The following SLC38A8 variants were observed in gnomAD, a reference collection of about 807,000 sequenced individuals.
SLC38A8 encodes amino acid transporter SLC38A8.
In SLC38A8, 65 loss-of-function variants were observed where a neutral mutation model predicts 46.0. That is an observed-to-expected ratio of 1.41 (90% confidence interval 1.16 to 1.74). The LOEUF (loss-of-function observed/expected upper bound fraction) is 1.74. Among genes scored for constraint, SLC38A8 ranks in the 40% most tolerant of loss-of-function variants. The pLI, the probability that SLC38A8 is intolerant of heterozygous loss-of-function variation, is 0.00. For synonymous variants in SLC38A8, 447 were observed against 243.7 expected (o/e 1.83, Z -7.77); for missense variants, 998 against 567.9 (o/e 1.76, Z -7.70).
At chr16:84,019,612 C>A (rs1285769570) in intron 7 of SLC38A8, among the ~76,000 whole-genome samples, 1 of 152,174 alleles carries the variant, frequency 6.6e-6, no homozygotes, top group Non-Finnish European at 1.5e-5. Context: ...AAACTCATAT[C>A]CTCCTCGCAG....
At chr16:84,010,324 G>T (rs2084939113) in intron 10 of SLC38A8, among the ~76,000 whole-genome samples, 1 of 151,986 alleles carries the variant, frequency 6.6e-6, no homozygotes, top group Non-Finnish European at 1.5e-5. Context: ...GCCCTCCTCA[G>T]CTTCCTAAAG....
intron 6 of SLC38A8, among the ~76,000 whole-genome samples, chr16:84,026,168 T>C (rs973054470): frequency 1.3e-5 from 2 of 152,250 alleles, no homozygotes; most frequent in African/African-American, 4.8e-5. Flanking sequence ...CCAGACAGGT[T>C]GGTGGGCAGG....
At chr16:84,009,909 T>C (rs759322359) in intron 10 of SLC38A8, 32 bp from the exon 11 acceptor site, 3 of 1,598,442 alleles carry the variant, frequency 1.9e-6, no homozygotes, top group South Asian at 1.1e-5. Flanking sequence ...GTCAGAGCTT[T>C]TCTGGATTTT....
chr16:84,040,050 T>C (rs1358965465), intron 2 of SLC38A8: 1 of 152,246 alleles, frequency 6.6e-6, no homozygotes, highest in Non-Finnish European at 1.5e-5. Flanking sequence ...TTTCATCAAA[T>C]GGCACTAAAC....
At chr16:84,009,976 T>C in intron 10 of SLC38A8, 99 bp from the exon 11 acceptor site, 1 of 916,324 alleles carries the variant, frequency 1.1e-6, no homozygotes, top group Non-Finnish European at 1.6e-6. Context: ...CAGTATGGAG[T>C]CATCAATTTG....
At chr16:84,025,767 G>A (rs1242459911) in intron 6 of SLC38A8, among the ~76,000 whole-genome samples, 1 of 152,212 alleles carries the variant, frequency 6.6e-6, no homozygotes. Flanking sequence ...GGAAATATAG[G>A]AGGGCACAGT....
intron 6 of SLC38A8, among the ~76,000 whole-genome samples, chr16:84,024,537 T>C (rs993700295): frequency 4.6e-5 from 7 of 151,738 alleles, no homozygotes; most frequent in Admixed American, 6.6e-5. Flanking sequence ...TCCCAGCACT[T>C]TGGGAGGCCA....
intron 8 of SLC38A8, 102 bp from the exon 9 acceptor site, chr16:84,016,829 G>A (rs950093809): frequency 2.3e-6 from 3 of 1,283,474 alleles, no homozygotes; most frequent in Non-Finnish European, 3.2e-6. Flanking sequence ...ACACCTGTCA[G>A]TGCTCCTGTT....
At chr16:84,013,244 C>T (rs891110517) in intron 9 of SLC38A8, among the ~76,000 whole-genome samples, 192 bp from the exon 10 acceptor site, 1 of 152,038 alleles carries the variant, frequency 6.6e-6, no homozygotes, top group African/African-American at 2.4e-5. Context: ...CTCAACATGC[C>T]CTAATGACTT....
chr16:84,031,305 T>G (rs2010824), intron 5 of SLC38A8, among the ~76,000 whole-genome samples: 35,349 of 152,098 alleles, frequency 0.23, 4,645 homozygotes, highest in East Asian at 0.41. Context: ...CCTCCCAAAG[T>G]GCTGGGATCA....
Position 84,017,172 on chromosome 16 carries a change from TAC to T in SLC38A8, c.919_920del (p.Val307AsnfsTer60). 6.2e-7 allele frequency: 1 copy of T among 1,613,986 alleles called. No individual in the cohort carries two copies. Among genetic ancestry groups the T allele is most frequent in the Non-Finnish European group, 8.5e-7 (1 of 1,180,004 alleles). ...GGAAGAGCACGATGGGGTAGACAGT[TAC>T]GATGGAGACAGCAAAAAGGACCCGG... Reference protein sequence around the residue: ...VARVLFAVSIVTVYPIVLFLG... With the variant: ...VARVLFAVSIXTVYPIVLFLG... On this transcript the variant is annotated frameshift_variant, in exon 8 of 11. Transcript: ENST00000299709. LOFTEE classifies it high-confidence loss of function.
At chr16:84,022,577 C>T (rs549916027) in intron 7 of SLC38A8, among the ~76,000 whole-genome samples, 198 bp downstream of exon 7, 63 of 152,314 alleles carry the variant, frequency 4.1e-4, no homozygotes, top group African/African-American at 1.5e-3. Flanking sequence ...CGAACAAGTT[C>T]TGGAGGGCAC....
chr16:84,032,770 T>C (rs2085257484), intron 4 of SLC38A8, among the ~76,000 whole-genome samples: 2 of 152,172 alleles, frequency 1.3e-5, no homozygotes, highest in Admixed American at 6.5e-5. Context: ...CAGAGGGAGA[T>C]GGATACTGTT....
chr16:84,039,105 G>A (rs886374819), intron 2 of SLC38A8, among the ~76,000 whole-genome samples: 1 of 152,144 alleles, frequency 6.6e-6, no homozygotes. Context: ...AGGGAAGGAG[G>A]CAGAGATTGG....
chr16:84,037,886 G>A (rs2085319774), intron 2 of SLC38A8, among the ~76,000 whole-genome samples: 1 of 136,794 alleles, frequency 7.3e-6, no homozygotes. Flanking sequence ...TCGGCTCATT[G>A]CAACCTCCAG....
chr16:84,031,876 G>C lies in SLC38A8; in HGVS notation c.623C>G (p.Pro208Arg). The C allele has an allele frequency of 5.0e-6, 8 of 1,614,066 alleles. No individual in the cohort carries two copies. Among genetic ancestry groups the C allele is most frequent in the Non-Finnish European group, 6.8e-6 (8 of 1,179,968 alleles). ...GTTCCCTCAGACTTACCTCAGTGAA[G>C]GATGGGACTCACGCACGAGGCCCTG... ...WPQGLVRESH[P>R]SLSPASWTSV... is the part of the protein sequence containing the mutation. The change falls in exon 5 of 11, where the codon CCT becomes CGT. Residue 208 changes from proline (P) to arginine (R), a missense_variant. By Grantham distance (103) the Pro-to-Arg change is moderately radical. Coordinates refer to ENST00000299709, the MANE Select transcript of SLC38A8 (RefSeq NM_001080442.3).
At chr16:84,042,368 A>G (rs1040544723) in intron 1 of SLC38A8, among the ~76,000 whole-genome samples, 183 bp downstream of exon 1, 2 of 151,054 alleles carry the variant, frequency 1.3e-5, no homozygotes, top group Non-Finnish European at 3.0e-5. Context: ...CCCTACCCAC[A>G]TTATTCTCAC....
At chr16:84,042,307 G>C in intron 1 of SLC38A8, 148 bp from the exon 2 acceptor site, 1 of 822,360 alleles carries the variant, frequency 1.2e-6, no homozygotes, top group Non-Finnish European at 1.8e-6. Context: ...CCTTTCCAAA[G>C]GGTGCTGCAT....
chr16:84,037,806 A>ATTTTTT lies in SLC38A8; in HGVS notation c.190-912_190-907dup, dbSNP rs376247461. Among the ~76,000 whole-genome samples, 481 of 102,204 alleles carry ATTTTTT rather than the reference A, an allele frequency of 4.7e-3. 23 individuals are homozygous for ATTTTTT. Among genetic ancestry groups the ATTTTTT allele is most frequent in the African/African-American group, 0.018 (450 of 24,622 alleles). 67.0% of individuals were successfully genotyped at this position (102,204 alleles called of 152,430 possible). A position where few individuals can be genotyped will look rare whatever the true frequency, so the allele number is the denominator to read the frequency against. ...AAAACATCCCTCTATTTCAGCTTCA[A>ATTTTTT]TTTTTTTTTTTTTTTTTTTGGAGAC... On this transcript the variant is annotated intron_variant, in intron 2 of 10. Transcript: ENST00000299709.
Sources: gnomAD v4.1 joint callset for allele counts (sites outside exome capture counted in the v4.1 genomes callset) on GRCh38, gnomAD v4.1.1 for gene constraint, MANE v1.5 for transcripts, NCBI Gene and HGNC (gene_info 2026-07-23, HGNC 2026-07-21) for gene names.